The following HHAT variants were observed in gnomAD, a reference collection of about 807,000 sequenced individuals.
HHAT encodes protein-cysteine N-palmitoyltransferase HHAT.
Under a neutral mutation model 70.8 loss-of-function variants are expected in HHAT, and 47 were observed. The observed-to-expected ratio is 0.66, with a 90% CI of 0.53 to 0.85. The LOEUF (loss-of-function observed/expected upper bound fraction) is 0.85, where lower values mean the gene tolerates loss of function less well. HHAT is among the 40% of genes least tolerant of loss of function. The probability of loss-of-function intolerance (pLI) is 0.00; values close to 1 mark genes in which losing one functional copy is unlikely to be tolerated. For synonymous variants in HHAT, 228 were observed against 247.6 expected, an observed-to-expected ratio of 0.92 and a Z score of 0.74; for missense variants, 609 against 604.8, an observed-to-expected ratio of 1.01 and a Z score of -0.07.
chr1:210,466,286 G>C (rs1558574803), intron 8 of HHAT, among the ~76,000 whole-genome samples: 1 of 152,252 alleles, frequency 6.6e-6, no homozygotes, highest in Non-Finnish European at 1.5e-5. Context: ...ATGTTGAGTA[G>C]TTACTCTGAT....
intron 10 of HHAT, among the ~76,000 whole-genome samples, chr1:210,608,357 C>T (rs921519946): frequency 7.9e-5 from 12 of 152,100 alleles, no homozygotes; most frequent in African/African-American, 2.9e-4. Flanking sequence ...AAAAGATCAC[C>T]TTTAATATAT....
intron 9 of HHAT, among the ~76,000 whole-genome samples, chr1:210,546,135 C>A (rs768814779): frequency 6.6e-6 from 1 of 152,188 alleles, no homozygotes; most frequent in Admixed American, 6.5e-5. Flanking sequence ...TGTGCTTCAG[C>A]TGGTCAATTC....
At chr1:210,354,195 CTTTTTTT>C (rs71146220) in intron 2 of HHAT, among the ~76,000 whole-genome samples, 6 of 102,594 alleles carry the variant, frequency 5.8e-5, no homozygotes, top group East Asian at 2.8e-4. Flanking sequence ...AACATAATGT[CTTTTTTT>C]TTTTTTTTTT....
Position 210,583,947 on chromosome 1 carries a change from A to ATTTTTTTTT in HHAT, c.1044-3936_1044-3928dup, listed in dbSNP as rs371722219. The stretch of plus-strand genomic sequence containing the variant: ...TTTTCTGACATATACAGTGCAGCTA[A>ATTTTTTTTT]TTTTTTTTTTTTTTTTTTTTTTTGT... On this transcript the variant is annotated intron_variant, in intron 9 of 11. Transcript: ENST00000261458. 5.7e-3 allele frequency among the ~76,000 whole-genome samples: 510 copies of ATTTTTTTTT among 88,878 alleles called. 4 individuals carry two copies. Among genetic ancestry groups the ATTTTTTTTT allele is most frequent in the East Asian group, 8.3e-3 (22 of 2,660 alleles). The allele number at this position is 88,878 out of a possible 152,430, so 58.3% of individuals were successfully genotyped here.
At chr1:210,439,577 T>C (rs1256402843) in intron 7 of HHAT, 1 of 151,952 alleles carries the variant, frequency 6.6e-6, no homozygotes, top group Non-Finnish European at 1.5e-5. Context: ...AGAGTTTTGC[T>C]AATGTAAAGT....
At chr1:210,600,931 C>T (rs1405603709) in intron 10 of HHAT, among the ~76,000 whole-genome samples, 1 of 152,084 alleles carries the variant, frequency 6.6e-6, no homozygotes, top group Non-Finnish European at 1.5e-5. Flanking sequence ...CCTCTCCCAG[C>T]CTGGCCTCCG....
At chr1:210,385,521 C>A (rs1558407902) in intron 3 of HHAT, among the ~76,000 whole-genome samples, 1 of 152,092 alleles carries the variant, frequency 6.6e-6, no homozygotes, top group Admixed American at 6.5e-5. Flanking sequence ...GTGGGCATGT[C>A]CCAGACTCTG....
At chr1:210,425,079 T>G (rs1221167378) in intron 7 of HHAT, among the ~76,000 whole-genome samples, 1 of 152,220 alleles carries the variant, frequency 6.6e-6, no homozygotes, top group African/African-American at 2.4e-5. Flanking sequence ...TGGTTTTGAT[T>G]TGCATTTCTC....
At chr1:210,448,418 G>T (rs1396319609) in intron 7 of HHAT, among the ~76,000 whole-genome samples, 1 of 152,164 alleles carries the variant, frequency 6.6e-6, no homozygotes, top group Non-Finnish European at 1.5e-5. Flanking sequence ...TATTTTGTGT[G>T]TGCATATGAG....
chr1:210,438,650 G>A (rs1018298904), intron 7 of HHAT, among the ~76,000 whole-genome samples: 7 of 151,904 alleles, frequency 4.6e-5, no homozygotes, highest in African/African-American at 1.7e-4. Context: ...CTTTAGGTCT[G>A]TGAACTGACT....
At chr1:210,374,918 T>G (rs7354957) in intron 3 of HHAT, among the ~76,000 whole-genome samples, 37,634 of 151,750 alleles carry the variant, frequency 0.25, 5,994 homozygotes, top group African/African-American at 0.46. Context: ...AGTTAGTTTT[T>G]CAGGCCTTAC....
rs193256345 is a variant in HHAT at position 210,557,983 on chromosome 1, G to A, written c.1044-29915G>A. Among the ~76,000 whole-genome samples the A allele has an allele frequency of 4.6e-4, 70 of 152,260 alleles. 2 individuals carry two copies. In the East Asian group the frequency reaches 0.012, roughly 26 times the overall value. On this transcript the variant is annotated intron_variant, in intron 9 of 11. Coordinates refer to ENST00000261458, the MANE Select transcript of HHAT (RefSeq NM_018194.6). Reference sequence around the variant, plus strand: ...AGAGGGTCAGAAGAGCATTCTTCCCGCTTGGCCTTCAGTGGTATCCTGGAA... The same window carrying A: ...AGAGGGTCAGAAGAGCATTCTTCCCACTTGGCCTTCAGTGGTATCCTGGAA...
intron 5 of HHAT, among the ~76,000 whole-genome samples, chr1:210,401,745 G>A (rs1328907199): frequency 6.6e-6 from 1 of 152,204 alleles, no homozygotes; most frequent in African/African-American, 2.4e-5. Context: ...AGAATTGGTG[G>A]ATGACAGACA....
intron 10 of HHAT, among the ~76,000 whole-genome samples, chr1:210,610,628 C>T (rs1666388955): frequency 1.3e-5 from 2 of 152,054 alleles, no homozygotes; most frequent in South Asian, 4.1e-4. Context: ...AGATTTTCTT[C>T]TAGGGTTTTT....
chr1:210,438,498 C>T (rs1180505257), intron 7 of HHAT, among the ~76,000 whole-genome samples: 1 of 151,800 alleles, frequency 6.6e-6, no homozygotes, highest in Non-Finnish European at 1.5e-5. Flanking sequence ...AAGTGATATA[C>T]CCACATATAT....
chr1:210,519,073 C>G (rs1202391578), intron 9 of HHAT, among the ~76,000 whole-genome samples: 1 of 152,144 alleles, frequency 6.6e-6, no homozygotes, highest in Non-Finnish European at 1.5e-5. Flanking sequence ...TTACAGCAGT[C>G]TGTTTTAGCA....
Position 210,490,989 on chromosome 1 carries a change from AAG to A in HHAT, c.1008-22161_1008-22160del, listed in dbSNP as rs370081348. Reference sequence around the variant, plus strand: ...AAGTTGAAACAGCCAATATGTGTTTAAGAGTCTCCATTATGCAGCCATCTCAC... The same window carrying A: ...AAGTTGAAACAGCCAATATGTGTTTAAGTCTCCATTATGCAGCCATCTCAC... On this transcript the variant is annotated intron_variant, in intron 8 of 11. Transcript: ENST00000261458. Among the ~76,000 whole-genome samples, 70 of 152,250 alleles carry A rather than the reference AAG, an allele frequency of 4.6e-4. 1 individual carries two copies. In the South Asian group the frequency reaches 0.014, roughly 31 times the overall value.
intron 8 of HHAT, among the ~76,000 whole-genome samples, chr1:210,484,462 T>TAA: frequency 6.6e-6 from 1 of 151,448 alleles, no homozygotes; most frequent in African/African-American, 2.4e-5. Flanking sequence ...AAGAATGAAT[T>TAA]TTGTCTGATT....
intron 8 of HHAT, among the ~76,000 whole-genome samples, chr1:210,474,262 A>G (rs181890987): frequency 5.2e-4 from 79 of 152,270 alleles, no homozygotes; most frequent in Non-Finnish European, 5.6e-4. Context: ...ATCCTTCACT[A>G]TTCCCACTCC....
Sources: gnomAD v4.1 joint callset for allele counts (sites outside exome capture counted in the v4.1 genomes callset) on GRCh38, gnomAD v4.1.1 for gene constraint, MANE v1.5 for transcripts, NCBI Gene and HGNC (gene_info 2026-07-23, HGNC 2026-07-21) for gene names.